The following PCDH9 variants were observed in gnomAD, a reference collection of about 807,000 sequenced individuals.
The protein encoded by PCDH9 is protocadherin-9.
PCDH9 carries 24 observed loss-of-function variants against 70.6 expected under a neutral mutation model. The observed-to-expected ratio is 0.34, with a 90% CI of 0.25 to 0.48. The LOEUF is 0.48. Among genes scored for constraint, PCDH9 ranks in the 20% least tolerant of loss-of-function variants. The probability of loss-of-function intolerance (pLI) is 0.99; values close to 1 mark genes in which losing one functional copy is unlikely to be tolerated. For missense variants in PCDH9, 1,281 were observed against 1,503.6 expected (o/e 0.85, Z 2.45); for synonymous variants, 562 against 558.5 (o/e 1.01, Z -0.09).
intron 4 of PCDH9, among the ~76,000 whole-genome samples, chr13:66,606,420 A>G (rs914986564): frequency 6.6e-6 from 1 of 152,096 alleles, no homozygotes; most frequent in Non-Finnish European, 1.5e-5. Flanking sequence ...AGATAACAAT[A>G]AGTGCTTTGG....
intron 4 of PCDH9, among the ~76,000 whole-genome samples, chr13:66,581,233 T>C (rs563487195): frequency 4.4e-4 from 67 of 152,256 alleles, no homozygotes; most frequent in Non-Finnish European, 7.2e-4. Context: ...TACAACAAAT[T>C]TTAAAAAGCA....
intron 2 of PCDH9, among the ~76,000 whole-genome samples, chr13:67,036,841 T>TA (rs2085018831): frequency 6.6e-6 from 1 of 152,096 alleles, no homozygotes; most frequent in African/African-American, 2.4e-5. Flanking sequence ...TGGCATTGGG[T>TA]GGTATTCTCT....
intron 3 of PCDH9, among the ~76,000 whole-genome samples, chr13:66,842,989 G>A (rs1181858812): frequency 6.6e-6 from 1 of 152,194 alleles, no homozygotes; most frequent in Non-Finnish European, 1.5e-5. Flanking sequence ...TGCAGCTGCT[G>A]AGATTGTGTG....
At chr13:66,761,767 T>C (rs2079631698) in intron 3 of PCDH9, among the ~76,000 whole-genome samples, 1 of 152,154 alleles carries the variant, frequency 6.6e-6, no homozygotes, top group Non-Finnish European at 1.5e-5. Context: ...TAACATTGTT[T>C]TTCTCATTTT....
At chr13:66,780,730 A>G (rs1208171247) in intron 3 of PCDH9, among the ~76,000 whole-genome samples, 1 of 152,040 alleles carries the variant, frequency 6.6e-6, no homozygotes, top group African/African-American at 2.4e-5. Flanking sequence ...TTATACATTT[A>G]TTTCTTAGGT....
At chr13:66,876,225 A>C (rs1274830086) in intron 3 of PCDH9, among the ~76,000 whole-genome samples, 1 of 152,194 alleles carries the variant, frequency 6.6e-6, no homozygotes, top group African/African-American at 2.4e-5. Flanking sequence ...ACAGTGAATA[A>C]TATTCATCAA....
rs59143528 is a variant in PCDH9 at position 66,653,973 on chromosome 13, T to TAAAAAAAAAA, written c.3139-22572_3139-22563dup. 1.5e-3 allele frequency among the ~76,000 whole-genome samples: 188 copies of TAAAAAAAAAA among 127,888 alleles called. 1 individual carries two copies. The highest frequency in any genetic ancestry group is 1.9e-3 in the Non-Finnish European group (118 of 62,274). The allele number at this position is 127,888 out of a possible 152,430, so 83.9% of individuals were successfully genotyped here. A position where few individuals can be genotyped will look rare whatever the true frequency, so the allele number is the denominator to read the frequency against. On this transcript the variant is annotated intron_variant, in intron 3 of 4. Transcript: ENST00000377865. ...ACAAAGCGAGACTCCGTCTCAAAAT[T>TAAAAAAAAAA]AAAAAAAAAAAAATAGAAAGAAAAT...
chr13:66,794,932 TCAGA>T (rs1457081156), intron 3 of PCDH9, among the ~76,000 whole-genome samples: 1 of 148,644 alleles, frequency 6.7e-6, no homozygotes, highest in Non-Finnish European at 1.5e-5. Context: ...GTGTCACTAA[TCAGA>T]CAGTTTCGCA....
chr13:66,535,823 G>T (rs1041323252), intron 4 of PCDH9, among the ~76,000 whole-genome samples: 2 of 152,008 alleles, frequency 1.3e-5, no homozygotes, highest in African/African-American at 4.8e-5. Flanking sequence ...AATTTTTCAA[G>T]AACCATATGA....
intron 3 of PCDH9, among the ~76,000 whole-genome samples, chr13:66,737,689 A>C (rs930814659): frequency 6.6e-6 from 1 of 152,196 alleles, no homozygotes; most frequent in South Asian, 2.1e-4. Context: ...CCTGGGAAGC[A>C]CAAGGGGTCA....
Position 66,798,455 on chromosome 13 carries a change from G to A in PCDH9, c.3138+105049C>T, listed in dbSNP as rs143715473. On this transcript the variant is annotated intron_variant, in intron 3 of 4. Transcript: ENST00000377865. Reference sequence around the variant, plus strand: ...CACTGAATCTAGACAAAAGACTAATGTTCCAGAGATAAGTGGTTCACCTTT... The same window carrying A: ...CACTGAATCTAGACAAAAGACTAATATTCCAGAGATAAGTGGTTCACCTTT... Among the ~76,000 whole-genome samples, 589 of 152,182 alleles carry A rather than the reference G, an allele frequency of 3.9e-3. 4 individuals are homozygous for A. The highest frequency in any genetic ancestry group is 6.8e-3 in the Middle Eastern group (2 of 294).
At chr13:67,031,777 AAC>A (rs2084911623) in intron 2 of PCDH9, among the ~76,000 whole-genome samples, 1 of 152,122 alleles carries the variant, frequency 6.6e-6, no homozygotes, top group African/African-American at 2.4e-5. Flanking sequence ...TCATATCTGA[AAC>A]ATTTGCCTTT....
At chr13:66,949,288 A>G (rs980418107) in intron 2 of PCDH9, among the ~76,000 whole-genome samples, 36 of 152,164 alleles carry the variant, frequency 2.4e-4, no homozygotes, top group African/African-American at 8.7e-4. Flanking sequence ...TTCTTTTCCA[A>G]ATATGCTAAA....
chr13:66,981,091 A>AT (rs1396028803), intron 2 of PCDH9, among the ~76,000 whole-genome samples: 1 of 152,188 alleles, frequency 6.6e-6, no homozygotes, highest in Non-Finnish European at 1.5e-5. Context: ...AACAGAATAT[A>AT]TACTGTCCAT....
chr13:67,071,547 A>G (rs1048669956), intron 2 of PCDH9, among the ~76,000 whole-genome samples: 2 of 152,116 alleles, frequency 1.3e-5, no homozygotes, highest in African/African-American at 4.8e-5. Flanking sequence ...ATAGAACACA[A>G]ATTTATTGAA....
At chr13:66,535,417 G>A (rs1960656127) in intron 4 of PCDH9, among the ~76,000 whole-genome samples, 1 of 151,862 alleles carries the variant, frequency 6.6e-6, no homozygotes, top group Non-Finnish European at 1.5e-5. Flanking sequence ...AAATATTCTT[G>A]TTGAAAGTTT....
intron 3 of PCDH9, among the ~76,000 whole-genome samples, chr13:66,737,209 A>G (rs893433007): frequency 2.8e-5 from 4 of 142,564 alleles, no homozygotes; most frequent in Non-Finnish European, 6.2e-5. Flanking sequence ...CTCTATTTCT[A>G]TTTTTCATAT....
At chr13:67,078,314 A>G (rs2085918589) in intron 2 of PCDH9, among the ~76,000 whole-genome samples, 1 of 152,110 alleles carries the variant, frequency 6.6e-6, no homozygotes, top group Non-Finnish European at 1.5e-5. Flanking sequence ...GCCTCTTTCT[A>G]TCCAATCCTT....
intron 3 of PCDH9, among the ~76,000 whole-genome samples, chr13:66,888,380 C>T (rs1216194993): frequency 6.6e-6 from 1 of 151,592 alleles, no homozygotes; most frequent in Non-Finnish European, 1.5e-5. Flanking sequence ...AACAAACTTG[C>T]AGTCCCAGCT....
Sources: gnomAD v4.1 joint callset for allele counts (sites outside exome capture counted in the v4.1 genomes callset) on GRCh38, gnomAD v4.1.1 for gene constraint, MANE v1.5 for transcripts, NCBI Gene and HGNC (gene_info 2026-07-23, HGNC 2026-07-21) for gene names.